MCTP1: variants seen among roughly 807,000 people sequenced by gnomAD.
The protein encoded by MCTP1 is multiple C2 and transmembrane domain-containing protein 1.
Under a neutral mutation model 120.6 loss-of-function variants are expected in MCTP1, and 69 were observed. The ratio of observed to expected loss-of-function variants is 0.57; its 90% CI spans 0.47 to 0.70. MCTP1 has a LOEUF of 0.70. MCTP1 is among the 30% of genes least tolerant of loss of function. The pLI is 0.00. For missense variants in MCTP1, 1,203 were observed against 1,248.8 expected (o/e 0.96, Z 0.55); for synonymous variants, 529 against 493.1 (o/e 1.07, Z -0.96).
intron 19 of MCTP1, among the ~76,000 whole-genome samples, chr5:94,775,937 TAATA>T (rs1775200936): frequency 6.8e-6 from 1 of 146,654 alleles, no homozygotes; most frequent in African/African-American, 2.5e-5. Flanking sequence ...ATAAATATAT[TAATA>T]TATATTATAG....
intron 19 of MCTP1, among the ~76,000 whole-genome samples, chr5:94,721,989 A>G (rs994318111): frequency 3.3e-5 from 5 of 152,092 alleles, no homozygotes; most frequent in Non-Finnish European, 5.9e-5. Flanking sequence ...CAATATTTCT[A>G]AAAGCTCTCT....
At chr5:95,220,276 A>T (rs1327924158) in intron 1 of MCTP1, among the ~76,000 whole-genome samples, 1 of 152,090 alleles carries the variant, frequency 6.6e-6, no homozygotes, top group East Asian at 1.9e-4. Flanking sequence ...TTTAAAAATA[A>T]AATAACAAAA....
chr5:95,102,759 G>A (rs1237831162), intron 1 of MCTP1, among the ~76,000 whole-genome samples: 1 of 152,198 alleles, frequency 6.6e-6, no homozygotes, highest in Non-Finnish European at 1.5e-5. Context: ...GGGATCACAG[G>A]AAGCCCCTTA....
At chr5:95,236,897 ACTGACC>A (rs1306540837) in intron 1 of MCTP1, among the ~76,000 whole-genome samples, 1 of 152,210 alleles carries the variant, frequency 6.6e-6, no homozygotes, top group Non-Finnish European at 1.5e-5. Flanking sequence ...GAGCAGCCAA[ACTGACC>A]CTGGAACTGC....
At chr5:94,783,431 C>A (rs748138020) in intron 18 of MCTP1, among the ~76,000 whole-genome samples, 1 of 152,016 alleles carries the variant, frequency 6.6e-6, no homozygotes, top group African/African-American at 2.4e-5. Context: ...TAATTGTAAT[C>A]CAACACAACA....
chr5:95,246,680 C>G (rs1756829321), intron 1 of MCTP1, among the ~76,000 whole-genome samples: 1 of 152,192 alleles, frequency 6.6e-6, no homozygotes, highest in Admixed American at 6.5e-5. Flanking sequence ...TAGAGACCTA[C>G]AAAGAGACTT....
chr5:94,976,065 A>G (rs901311011), intron 2 of MCTP1, among the ~76,000 whole-genome samples: 15 of 152,100 alleles, frequency 9.9e-5, no homozygotes, highest in Non-Finnish European at 1.8e-4. Context: ...CACACCCTTT[A>G]TGTCCCACTC....
At chr5:95,171,910 C>T (rs890281033) in intron 1 of MCTP1, among the ~76,000 whole-genome samples, 4 of 152,112 alleles carry the variant, frequency 2.6e-5, no homozygotes, top group East Asian at 1.9e-4. Flanking sequence ...TCTCTCAACT[C>T]GTCAAAGTCA....
At chr5:94,821,853 C>T (rs1043650205) in intron 17 of MCTP1, among the ~76,000 whole-genome samples, 1 of 152,096 alleles carries the variant, frequency 6.6e-6, no homozygotes. Flanking sequence ...TGAAAAAAAT[C>T]CATATATAAG....
At chr5:94,921,696 C>T (rs1050772834) in intron 7 of MCTP1, among the ~76,000 whole-genome samples, 1 of 152,134 alleles carries the variant, frequency 6.6e-6, no homozygotes, top group Non-Finnish European at 1.5e-5. Flanking sequence ...GAAGATAATA[C>T]TCAACCAAAG....
intron 1 of MCTP1, among the ~76,000 whole-genome samples, chr5:95,253,546 CTT>C (rs1445735719): frequency 6.6e-6 from 1 of 152,046 alleles, no homozygotes; most frequent in African/African-American, 2.4e-5. Context: ...CACAGTGAAT[CTT>C]TGTCTTTGCT....
intron 1 of MCTP1, among the ~76,000 whole-genome samples, chr5:95,054,551 C>A (rs759623869): frequency 6.6e-6 from 1 of 152,202 alleles, no homozygotes; most frequent in Non-Finnish European, 1.5e-5. Flanking sequence ...TCCCCTTCCA[C>A]CCCTTACAGA....
At chr5:94,949,008 T>C (rs1819814536) in intron 3 of MCTP1, among the ~76,000 whole-genome samples, 3 of 152,166 alleles carry the variant, frequency 2.0e-5, no homozygotes, top group African/African-American at 2.4e-5. Context: ...AAATGTCCAA[T>C]TTTTTAAAAT....
At chr5:94,875,064 C>T (rs1332737107) in intron 12 of MCTP1, among the ~76,000 whole-genome samples, 1 of 152,078 alleles carries the variant, frequency 6.6e-6, no homozygotes, top group Non-Finnish European at 1.5e-5. Flanking sequence ...TTAAAAATCC[C>T]TGACTTCATG....
At chr5:94,747,649 C>A (rs1767233111) in intron 19 of MCTP1, among the ~76,000 whole-genome samples, 1 of 151,874 alleles carries the variant, frequency 6.6e-6, no homozygotes, top group African/African-American at 2.4e-5. Context: ...CCAAATAATC[C>A]TTTTCATATA....
intron 19 of MCTP1, among the ~76,000 whole-genome samples, chr5:94,736,379 A>C (rs912365711): frequency 2.0e-5 from 3 of 152,084 alleles, no homozygotes; most frequent in African/African-American, 7.2e-5. Flanking sequence ...ACCACTCGGG[A>C]GGCTGAGGTG....
chr5:95,041,563 C>T (rs1023604206), intron 1 of MCTP1, among the ~76,000 whole-genome samples: 3 of 152,078 alleles, frequency 2.0e-5, no homozygotes, highest in Non-Finnish European at 4.4e-5. Flanking sequence ...TTACTTACTT[C>T]AAGTAATTTG....
At chr5:94,766,753 C>T (rs1050071023) in intron 19 of MCTP1, among the ~76,000 whole-genome samples, 4 of 151,126 alleles carry the variant, frequency 2.6e-5, no homozygotes, top group African/African-American at 9.7e-5. Context: ...AAACAGAAAA[C>T]CTGAATAGGC....
intron 1 of MCTP1, among the ~76,000 whole-genome samples, chr5:95,214,446 A>T (rs1159821621): frequency 6.6e-6 from 1 of 152,060 alleles, no homozygotes; most frequent in African/African-American, 2.4e-5. Context: ...CCATTGTGGA[A>T]GTCAGGGTGG....
Sources: gnomAD v4.1 joint callset for allele counts (sites outside exome capture counted in the v4.1 genomes callset) on GRCh38, gnomAD v4.1.1 for gene constraint, MANE v1.5 for transcripts, NCBI Gene and HGNC (gene_info 2026-07-23, HGNC 2026-07-21) for gene names.